OSBPL1A: variants seen among roughly 807,000 people sequenced by gnomAD.
OSBPL1A encodes oxysterol binding protein like 1A, also known as oxysterol-binding protein-related protein 1.
A neutral mutation model predicts 137.1 loss-of-function variants in OSBPL1A; 80 were observed. The observed-to-expected ratio is 0.58, with a 90% CI of 0.49 to 0.70. The LOEUF is 0.70. OSBPL1A is among the 30% of genes least tolerant of loss of function. The pLI is 0.00. For synonymous variants in OSBPL1A, 365 were observed against 389.7 expected, an observed-to-expected ratio of 0.94 and a Z score of 0.75; for missense variants, 970 against 1,129.4, an observed-to-expected ratio of 0.86 and a Z score of 2.02.
chr18:24,342,553 G>A (rs1010698321), intron 4 of OSBPL1A, among the ~76,000 whole-genome samples: 2 of 152,104 alleles, frequency 1.3e-5, no homozygotes, highest in Non-Finnish European at 2.9e-5. Context: ...GTTGCTACAC[G>A]TTATGCTGTC....
Position 24,166,644 on chromosome 18 carries a change from C to G in OSBPL1A, c.2594G>C (p.Ser865Thr). Residue 865 changes from serine (S) to threonine (T), a missense_variant, in exon 26 of 28, where the codon AGT becomes ACT. Physicochemically the swap from Ser to Thr is moderately conservative, Grantham distance 58. This residue lies in a region of OSBPL1A where 323 missense variants were observed against 456.8 expected (regional missense o/e 0.71). Transcript: ENST00000319481. ...CCTGCAGTCTGTCTTGGGAATCACA[C>G]TCTCCATGTCTTTGTCTACTTCATT... The part of the protein sequence containing the change: ...VLNEVDKDME[S>T]VIPKTDCRLR... 2 of 1,613,562 alleles carry G rather than the reference C, an allele frequency of 1.2e-6. No individual in the cohort carries two copies.
intron 4 of OSBPL1A, among the ~76,000 whole-genome samples, chr18:24,353,098 A>G (rs2091471287): frequency 6.6e-6 from 1 of 152,208 alleles, no homozygotes; most frequent in Admixed American, 6.5e-5. Flanking sequence ...GCTTCTGCAC[A>G]GCAAAAAAAA....
At chr18:24,319,376 A>G (rs895897738) in intron 7 of OSBPL1A, among the ~76,000 whole-genome samples, 5 of 152,136 alleles carry the variant, frequency 3.3e-5, no homozygotes, top group African/African-American at 1.2e-4. Context: ...TCATCTCAAG[A>G]TACCTAACTA....
In OSBPL1A at chr18:24,196,178, AC is replaced by A. The variant is rs1470447212; in HGVS notation, c.1623del (p.Met541IlefsTer34). On this transcript the variant is annotated frameshift_variant, in exon 18 of 28. Transcript: ENST00000319481. LOFTEE classifies it high-confidence loss of function. ...KKHRTSLPSP[M>X]FSRNDFSIWS... ...CAGATACTGAAGTCATTTCTGGAAA[AC>A]ATAGGAGAAGGCAAACTTGTTCTGA... 1 of 1,610,666 alleles carries A rather than the reference AC, an allele frequency of 6.2e-7. No individual in the cohort carries two copies. The highest frequency in any genetic ancestry group is 1.3e-5 in the African/African-American group (1 of 74,912).
chr18:24,321,636 C>T (rs1200670690), intron 7 of OSBPL1A: 1 of 498,268 alleles, frequency 2.0e-6, no homozygotes, highest in Admixed American at 2.2e-5. Flanking sequence ...CGTGGCCCCA[C>T]AGTAAGTTGA....
chr18:24,303,228 T>TGAC (rs1414806674), intron 14 of OSBPL1A, among the ~76,000 whole-genome samples: 2 of 152,192 alleles, frequency 1.3e-5, no homozygotes, highest in African/African-American at 2.4e-5. Context: ...CTCGAACTCC[T>TGAC]GACCTCAAGT....
intron 14 of OSBPL1A, among the ~76,000 whole-genome samples, chr18:24,288,164 T>A (rs1284285560): frequency 6.6e-6 from 1 of 151,450 alleles, no homozygotes; most frequent in African/African-American, 2.4e-5. Context: ...CAAGGAGGAG[T>A]TTCTGGAAAC....
At chr18:24,298,972 C>G (rs2337962) in intron 14 of OSBPL1A, among the ~76,000 whole-genome samples, 11 of 152,082 alleles carry the variant, frequency 7.2e-5, no homozygotes, top group Admixed American at 3.9e-4. Context: ...GATCCTTTTA[C>G]CATTATGTAA....
chr18:24,201,831 TCTC>T (rs1161341205), intron 17 of OSBPL1A, among the ~76,000 whole-genome samples: 1 of 151,930 alleles, frequency 6.6e-6, no homozygotes, highest in Admixed American at 6.6e-5. Flanking sequence ...ACTGCACAGA[TCTC>T]CTTTATCTAC....
intron 15 of OSBPL1A, among the ~76,000 whole-genome samples, chr18:24,273,508 G>T (rs2089770162): frequency 6.6e-6 from 1 of 152,186 alleles, no homozygotes; most frequent in South Asian, 2.1e-4. Context: ...TTCAGATGTG[G>T]AAACAGAATT....
At chr18:24,270,485 A>G (rs762334805) in intron 15 of OSBPL1A, among the ~76,000 whole-genome samples, 1 of 152,178 alleles carries the variant, frequency 6.6e-6, no homozygotes, top group Non-Finnish European at 1.5e-5. Context: ...GGGTTTTTAA[A>G]GAGGGGAGAC....
chr18:24,384,841 C>T (rs1906837702), intron 1 of OSBPL1A, among the ~76,000 whole-genome samples: 1 of 150,276 alleles, frequency 6.7e-6, no homozygotes. Flanking sequence ...GCCATTGCAC[C>T]CCAGCCTCGG....
At chr18:24,338,299 C>G (rs1329513255) in intron 5 of OSBPL1A, among the ~76,000 whole-genome samples, 5 of 150,900 alleles carry the variant, frequency 3.3e-5, no homozygotes, top group African/African-American at 7.3e-5. Context: ...CCAGGATGGT[C>G]TCGATCTCCT....
chr18:24,384,119 A>G (rs1486654605), intron 1 of OSBPL1A, among the ~76,000 whole-genome samples: 2 of 152,252 alleles, frequency 1.3e-5, no homozygotes, highest in East Asian at 3.8e-4. Flanking sequence ...GAAGTTCACC[A>G]AGATCACAGG....
Position 24,181,135 on chromosome 18 carries a change from T to C in OSBPL1A, c.1812+10A>G, listed in dbSNP as rs766071215. ...CTAAGAGTTAGACCTTTTCCTCCCTTGGCTCATACCTGCATCCTTTCCACA... is the reference window on the plus strand; with the variant it reads ...CTAAGAGTTAGACCTTTTCCTCCCTCGGCTCATACCTGCATCCTTTCCACA... On this transcript the variant is annotated intron_variant, in intron 19 of 27. Transcript: ENST00000319481. The C allele has an allele frequency of 3.7e-6, 6 of 1,612,884 alleles. No individual in the cohort carries two copies. In the South Asian group the frequency reaches 6.6e-5, roughly 18 times the overall value.
chr18:24,314,222 G>T, intron 12 of OSBPL1A, 27 bp downstream of exon 12: 1 of 1,467,642 alleles, frequency 6.8e-7, no homozygotes, highest in Non-Finnish European at 9.3e-7. Context: ...TAAGTTTTAG[G>T]AAAGATACAT....
intron 2 of OSBPL1A, among the ~76,000 whole-genome samples, chr18:24,375,709 G>A (rs1202547208): frequency 6.6e-6 from 1 of 152,144 alleles, no homozygotes. Context: ...AGTCTGATCT[G>A]TTAATCTACT....
At chr18:24,346,908 A>T (rs1474000283) in intron 4 of OSBPL1A, among the ~76,000 whole-genome samples, 17 of 140,600 alleles carry the variant, frequency 1.2e-4, no homozygotes, top group South Asian at 6.9e-4. Context: ...GTGCCTAGCT[A>T]TTTTTTTTTT....
intron 15 of OSBPL1A, among the ~76,000 whole-genome samples, chr18:24,242,043 G>C (rs766256211): frequency 6.7e-6 from 1 of 150,296 alleles, no homozygotes; most frequent in African/African-American, 2.5e-5. Flanking sequence ...ATCAAACACC[G>C]AATGTTCTCA....
Sources: gnomAD v4.1 joint callset for allele counts (sites outside exome capture counted in the v4.1 genomes callset) on GRCh38, gnomAD v4.1.1 for gene constraint, gnomAD v4.1.1 regional missense constraint, MANE v1.5 for transcripts, NCBI Gene and HGNC (gene_info 2026-07-23, HGNC 2026-07-21) for gene names.